The following TBC1D22A variants were observed in gnomAD, a reference collection of about 807,000 sequenced individuals.
The protein encoded by TBC1D22A is TBC1 domain family member 22A.
TBC1D22A carries 38 observed loss-of-function variants against 60.2 expected under a neutral mutation model. The observed-to-expected ratio is 0.63, with a 90% CI of 0.49 to 0.83. The LOEUF is 0.83. Among genes scored for constraint, TBC1D22A ranks in the 40% least tolerant of loss-of-function variants. TBC1D22A has a pLI of 0.00. For missense variants in TBC1D22A, 628 were observed against 701.0 expected, an observed-to-expected ratio of 0.90 and a Z score of 1.18; for synonymous variants, 302 against 281.7, an observed-to-expected ratio of 1.07 and a Z score of -0.72.
chr22:46,986,411 A>G (rs1386946201), intron 9 of TBC1D22A, among the ~76,000 whole-genome samples: 1 of 152,106 alleles, frequency 6.6e-6, no homozygotes, highest in African/African-American at 2.4e-5. Context: ...AAAAAAAAAA[A>G]AGCCTGTTGA....
chr22:46,864,769 C>T (rs537837918), intron 4 of TBC1D22A, among the ~76,000 whole-genome samples: 1 of 152,214 alleles, frequency 6.6e-6, no homozygotes, highest in South Asian at 2.1e-4. Flanking sequence ...AGTGGTGTTC[C>T]CGAGGGAGTA....
In TBC1D22A at chr22:47,008,450, C is replaced by A. The variant is rs9615437; in HGVS notation, c.1201+10741C>A. On this transcript the variant is annotated intron_variant, in intron 10 of 12. Coordinates refer to ENST00000337137, the MANE Select transcript of TBC1D22A (RefSeq NM_014346.5). ...CCCTCATAGAGTTGGCCTGGAGACC[C>A]TGCCTGGGACCTGAACCAGGACAGG... is the stretch of plus-strand genomic sequence containing the variant. Among the ~76,000 whole-genome samples, 11 of 152,328 alleles carry A rather than the reference C, an allele frequency of 7.2e-5. No individual in the cohort carries two copies. The South Asian group carries it at 2.3e-3, about 32-fold the overall frequency.
chr22:46,953,275 TTGGA>T (rs2073016449), intron 8 of TBC1D22A, among the ~76,000 whole-genome samples: 1 of 152,194 alleles, frequency 6.6e-6, no homozygotes, highest in Non-Finnish European at 1.5e-5. Flanking sequence ...ACCTTTGCCA[TTGGA>T]TGGTCTTTCT....
intron 1 of TBC1D22A, among the ~76,000 whole-genome samples, chr22:46,773,588 C>T (rs1012540016): frequency 6.6e-6 from 1 of 152,196 alleles, no homozygotes; most frequent in African/African-American, 2.4e-5. Flanking sequence ...CCTCAGCCTC[C>T]CCAGTAGCTG....
At chr22:47,135,084 G>C (rs534870763) in intron 12 of TBC1D22A, among the ~76,000 whole-genome samples, 1 of 152,356 alleles carries the variant, frequency 6.6e-6, no homozygotes, top group Non-Finnish European at 1.5e-5. Flanking sequence ...CAGCTGGGAA[G>C]GGGACACTGG....
chr22:46,834,466 T>C (rs2086436910), intron 4 of TBC1D22A, among the ~76,000 whole-genome samples: 1 of 152,122 alleles, frequency 6.6e-6, no homozygotes. Context: ...GCAGCATAGC[T>C]CAGTGCCAAC....
chr22:47,133,090 A>C (rs1019471658), intron 12 of TBC1D22A, among the ~76,000 whole-genome samples: 2 of 152,260 alleles, frequency 1.3e-5, no homozygotes, highest in Non-Finnish European at 2.9e-5. Context: ...ACGCCTGTAA[A>C]ATGTAACAGC....
rs79498614 is a variant in TBC1D22A at position 46,885,021 on chromosome 22, G to A, written c.709-6245G>A. Among the ~76,000 whole-genome samples, 1,123 of 152,338 alleles carry A rather than the reference G, an allele frequency of 7.4e-3. 8 individuals are homozygous for A. The highest frequency in any genetic ancestry group is 0.012 in the Non-Finnish European group (805 of 68,030). ...TTGGAAGTGTTTTCGGGCTGGTGGTGTTAAAATGATGTGATTGTCACAGAG... is the reference window on the plus strand; with the variant it reads ...TTGGAAGTGTTTTCGGGCTGGTGGTATTAAAATGATGTGATTGTCACAGAG... On this transcript the variant is annotated intron_variant, in intron 5 of 12. Transcript: ENST00000337137.
intron 11 of TBC1D22A, among the ~76,000 whole-genome samples, chr22:47,078,122 C>T (rs1246945118): frequency 6.6e-6 from 1 of 152,114 alleles, no homozygotes; most frequent in Non-Finnish European, 1.5e-5. Context: ...TGTTTGGTCC[C>T]CCTAGACACC....
At chr22:46,853,690 A>G (rs1569133023) in intron 4 of TBC1D22A, among the ~76,000 whole-genome samples, 1 of 152,196 alleles carries the variant, frequency 6.6e-6, no homozygotes, top group Non-Finnish European at 1.5e-5. Flanking sequence ...AGGAACGGAG[A>G]AATTAATTAA....
chr22:46,967,587 G>A (rs973728034), intron 8 of TBC1D22A, among the ~76,000 whole-genome samples: 1 of 152,214 alleles, frequency 6.6e-6, no homozygotes, highest in African/African-American at 2.4e-5. Context: ...GGCTCTTACC[G>A]ACAGCGTTTG....
At chr22:47,080,711 G>C (rs2064427688) in intron 11 of TBC1D22A, among the ~76,000 whole-genome samples, 1 of 151,162 alleles carries the variant, frequency 6.6e-6, no homozygotes, top group African/African-American at 2.4e-5. Flanking sequence ...TAAAAGAAGA[G>C]GAAATTAAAC....
At chr22:47,127,394 A>ATTTTTTTTTT (rs11387235) in intron 12 of TBC1D22A, among the ~76,000 whole-genome samples, 8 of 122,506 alleles carry the variant, frequency 6.5e-5, no homozygotes, top group Non-Finnish European at 8.2e-5. Flanking sequence ...CGCCCAGCTG[A>ATTTTTTTTTT]TTTTTTTTTT....
chr22:47,075,201 C>T (rs999918884), intron 11 of TBC1D22A, among the ~76,000 whole-genome samples: 12 of 136,500 alleles, frequency 8.8e-5, no homozygotes, highest in South Asian at 4.7e-4. Context: ...CCAGCCTGGG[C>T]GACAGAGCGA....
In TBC1D22A at chr22:46,858,998, C is replaced by T. The variant is rs574875873; in HGVS notation, c.638-19655C>T. Among the ~76,000 whole-genome samples, 5 of 127,502 alleles carry T rather than the reference C, an allele frequency of 3.9e-5. 1 individual carries two copies. Among genetic ancestry groups the T allele is most frequent in the African/African-American group, 1.2e-4 (4 of 34,476 alleles). 83.6% of individuals were successfully genotyped at this position (127,502 alleles called of 152,430 possible). On this transcript the variant is annotated intron_variant, in intron 4 of 12. Coordinates refer to ENST00000337137, the MANE Select transcript of TBC1D22A (RefSeq NM_014346.5). The stretch of plus-strand genomic sequence containing the variant: ...AGGTCTGTGTAGTGCTGTGCCCCTT[C>T]CCGGGACCAGAATCCTTTTCGATAG...
intron 4 of TBC1D22A, among the ~76,000 whole-genome samples, chr22:46,842,185 G>T (rs1239228194): frequency 6.6e-6 from 1 of 152,156 alleles, no homozygotes; most frequent in Non-Finnish European, 1.5e-5. Context: ...TTTGGTAAAG[G>T]CATGAAGAAC....
At chr22:46,906,108 G>A (rs1379360097) in intron 7 of TBC1D22A, among the ~76,000 whole-genome samples, 1 of 152,144 alleles carries the variant, frequency 6.6e-6, no homozygotes, top group South Asian at 2.1e-4. Context: ...AGCCATCTTG[G>A]TTCTTGGCTT....
Position 46,793,725 on chromosome 22 carries a change from A to G in TBC1D22A, c.344A>G (p.Gln115Arg), listed in dbSNP as rs769624699. 4 of 1,609,820 alleles carry G rather than the reference A, an allele frequency of 2.5e-6. No individual in the cohort carries two copies. The Admixed American group carries it at 5.0e-5, about 20-fold the overall frequency. The change falls in exon 3 of 13, where the codon CAG becomes CGG. Residue 115 changes from glutamine (Q) to arginine (R), a missense_variant. By Grantham distance (43) the Gln-to-Arg change is conservative. Coordinates refer to ENST00000337137, the MANE Select transcript of TBC1D22A (RefSeq NM_014346.5). ...CAGCGGCAGGGGCGGCCCACGCTGC[A>G]GGAGGGGCCAGGGCTTCAGCAGAAG... is the stretch of plus-strand genomic sequence containing the variant. ...HSQRQGRPTL[Q>R]EGPGLQQKPR...
chr22:47,064,298 G>T (rs1444491916), intron 11 of TBC1D22A, among the ~76,000 whole-genome samples: 2 of 152,260 alleles, frequency 1.3e-5, no homozygotes, highest in Non-Finnish European at 2.9e-5. Flanking sequence ...GTGCCGGGCG[G>T]TCATGCCGCT....
Sources: gnomAD v4.1 joint callset for allele counts (sites outside exome capture counted in the v4.1 genomes callset) on GRCh38, gnomAD v4.1.1 for gene constraint, MANE v1.5 for transcripts, NCBI Gene and HGNC (gene_info 2026-07-23, HGNC 2026-07-21) for gene names.